MYO6: variants seen among roughly 807,000 people sequenced by gnomAD.
MYO6 encodes the protein myosin VI, also known as unconventional myosin-VI.
A neutral mutation model predicts 178.7 loss-of-function variants in MYO6; 74 were observed. The ratio of observed to expected loss-of-function variants is 0.41; its 90% CI spans 0.34 to 0.50. The LOEUF (loss-of-function observed/expected upper bound fraction) is 0.50. Among genes scored for constraint, MYO6 ranks in the 20% least tolerant of loss-of-function variants. MYO6 has a pLI of 0.09. For synonymous variants in MYO6, 477 were observed against 504.6 expected (o/e 0.95, Z 0.73); for missense variants, 1,330 against 1,547.4 (o/e 0.86, Z 2.36).
chr6:75,870,618 AT>A (rs1417235789), intron 18 of MYO6, 28 bp from the exon 19 acceptor site: 1 of 1,600,724 alleles, frequency 6.2e-7, no homozygotes, highest in African/African-American at 1.3e-5. Context: ...GCTTTTTGAA[AT>A]AATAAACTGA....
At chr6:75,771,281 C>T (rs906072940) in intron 1 of MYO6, among the ~76,000 whole-genome samples, 3 of 152,198 alleles carry the variant, frequency 2.0e-5, no homozygotes, top group East Asian at 1.9e-4. Flanking sequence ...GAACTACAGG[C>T]GCCAGCCACT....
At chr6:75,834,230 TTG>T in intron 6 of MYO6, among the ~76,000 whole-genome samples, 1 of 152,148 alleles carries the variant, frequency 6.6e-6, no homozygotes, top group Non-Finnish European at 1.5e-5. Flanking sequence ...TTGGTTTGGT[TTG>T]TTTTTTTTTG....
rs556574277 is a variant in MYO6, at chr6:75,809,623, A to T, written c.-47-7878A>T. Among the ~76,000 whole-genome samples, 13 of 152,240 alleles carry T rather than the reference A, an allele frequency of 8.5e-5. No homozygotes were observed. The South Asian group carries it at 2.7e-3, about 32-fold the overall frequency. On this transcript the variant is annotated intron_variant, in intron 1 of 34. Coordinates refer to ENST00000369977, the MANE Select transcript of MYO6 (RefSeq NM_004999.4). ...TATATTGATTCTGTCTCTGCCTGAA[A>T]ACTGGGAAATCTCGAAGTGGGGGGG...
chr6:75,839,629 T>G (rs1261060172), intron 7 of MYO6, among the ~76,000 whole-genome samples: 2 of 152,192 alleles, frequency 1.3e-5, no homozygotes, highest in Non-Finnish European at 2.9e-5. Flanking sequence ...GAGATTTAGA[T>G]GAGTATAAGA....
intron 1 of MYO6, among the ~76,000 whole-genome samples, chr6:75,752,487 C>T (rs1376811103): frequency 6.6e-6 from 1 of 152,202 alleles, no homozygotes; most frequent in East Asian, 1.9e-4. Context: ...TAAATGCTTG[C>T]TCCAGAAGGG....
At chr6:75,852,861 T>C (rs1378891661) in intron 11 of MYO6, among the ~76,000 whole-genome samples, 1 of 152,192 alleles carries the variant, frequency 6.6e-6, no homozygotes, top group Non-Finnish European at 1.5e-5. Flanking sequence ...AGTAAATACC[T>C]TGGAGTGGAA....
intron 1 of MYO6, among the ~76,000 whole-genome samples, chr6:75,805,021 A>ATATATATATATATTTTTTTTTTT (rs1252912172): frequency 1.3e-5 from 1 of 77,312 alleles, no homozygotes; most frequent in African/African-American, 1.0e-4. Flanking sequence ...ATATATATAT[A>ATATATATATATATTTTTTTTTTT]TTTTTTTTTT....
At position 75,918,242 on chromosome 6, in the gene MYO6, T is replaced by A. The variant is rs562815854; in HGVS notation, c.*3230T>A. On this transcript the variant is annotated 3_prime_UTR_variant, in exon 35 of 35. Transcript: ENST00000369977. ...GAGTTTTAAAATTTCTCCCAGAAGATAAACTAACAAGGATGGAAGGGGAGG... is the reference window on the plus strand; with the variant it reads ...GAGTTTTAAAATTTCTCCCAGAAGAAAAACTAACAAGGATGGAAGGGGAGG... 6.6e-6 allele frequency: 1 copy of A among 151,710 alleles called. No individual in the cohort carries two copies. The highest frequency in any genetic ancestry group is 1.5e-5 in the Non-Finnish European group (1 of 67,942). The allele number at this position is 151,710 out of a possible 1,614,324, so 9.4% of individuals were successfully genotyped here.
At chr6:75,882,510 A>G (rs1262292899) in intron 23 of MYO6, among the ~76,000 whole-genome samples, 1 of 152,104 alleles carries the variant, frequency 6.6e-6, no homozygotes, top group East Asian at 1.9e-4. Flanking sequence ...CTGTTTTTTG[A>G]ACGGAAGTCT....
intron 16 of MYO6, among the ~76,000 whole-genome samples, chr6:75,864,747 A>T (rs1776506002): frequency 6.6e-6 from 1 of 152,250 alleles, no homozygotes; most frequent in African/African-American, 2.4e-5. Flanking sequence ...AGAGTAAAGC[A>T]GTAAATCCTA....
At chr6:75,787,068 A>C (rs1377313253) in intron 1 of MYO6, among the ~76,000 whole-genome samples, 2 of 152,188 alleles carry the variant, frequency 1.3e-5, no homozygotes, top group Non-Finnish European at 2.9e-5. Flanking sequence ...TCACGACCTT[A>C]AAATTTTTGA....
chr6:75,885,473 G>C (rs1778356295), intron 23 of MYO6, among the ~76,000 whole-genome samples: 1 of 151,200 alleles, frequency 6.6e-6, no homozygotes, highest in Non-Finnish European at 1.5e-5. Context: ...TTTTGAGATG[G>C]AGTCTTGCTG....
chr6:75,829,871 G>T (rs910678), intron 4 of MYO6, among the ~76,000 whole-genome samples: 1 of 152,148 alleles, frequency 6.6e-6, no homozygotes, highest in South Asian at 2.1e-4. Flanking sequence ...GGACCAAATG[G>T]TCACTACAGA....
intron 1 of MYO6, among the ~76,000 whole-genome samples, chr6:75,779,851 ACACTT>A (rs1165687748): frequency 1.3e-5 from 2 of 152,176 alleles, no homozygotes; most frequent in Non-Finnish European, 2.9e-5. Flanking sequence ...GTAGCTTGTT[ACACTT>A]TTCATTCTTG....
At chr6:75,765,286 C>G (rs1045648655) in intron 1 of MYO6, among the ~76,000 whole-genome samples, 1 of 144,294 alleles carries the variant, frequency 6.9e-6, no homozygotes. Flanking sequence ...AAGCGATTCT[C>G]GAGCCTCAGC....
intron 29 of MYO6, among the ~76,000 whole-genome samples, chr6:75,898,065 C>A (rs1453357039): frequency 2.0e-5 from 3 of 152,116 alleles, no homozygotes; most frequent in African/African-American, 7.2e-5. Context: ...TGGATTTAGA[C>A]CATGTTATTT....
intron 31 of MYO6, 93 bp downstream of exon 31, chr6:75,907,801 T>TGTGTGTGA: frequency 1.2e-6 from 1 of 834,194 alleles, no homozygotes; most frequent in South Asian, 1.4e-5. Context: ...TGTATGTGTG[T>TGTGTGTGA]GTGTGTGTGT....
chr6:75,762,821 TAATG>T, intron 1 of MYO6, among the ~76,000 whole-genome samples: 1 of 152,374 alleles, frequency 6.6e-6, no homozygotes, highest in Admixed American at 6.5e-5. Flanking sequence ...ATTACATACT[TAATG>T]TATGTGCCTT....
chr6:75,757,796 T>C (rs1232574885), intron 1 of MYO6, among the ~76,000 whole-genome samples: 1 of 151,980 alleles, frequency 6.6e-6, no homozygotes, highest in African/African-American at 2.4e-5. Flanking sequence ...GTGGTTCTTA[T>C]GAGGATTGAA....
Sources: gnomAD v4.1 joint callset for allele counts (sites outside exome capture counted in the v4.1 genomes callset) on GRCh38, gnomAD v4.1.1 for gene constraint, MANE v1.5 for transcripts, NCBI Gene and HGNC (gene_info 2026-07-23, HGNC 2026-07-21) for gene names.